The following AUTS2 variants were observed in gnomAD, a reference collection of about 807,000 sequenced individuals.
AUTS2 encodes autism susceptibility gene 2 protein.
A neutral mutation model predicts 112.4 loss-of-function variants in AUTS2; 17 were observed. The observed-to-expected ratio is 0.15, with a 90% CI of 0.10 to 0.23. AUTS2 has a LOEUF of 0.23. AUTS2 is among the 10% of genes least tolerant of loss of function. The pLI is 1.00. For missense variants in AUTS2, 1,510 were observed against 1,701.6 expected (o/e 0.89, Z 1.98); for synonymous variants, 751 against 702.7 (o/e 1.07, Z -1.09).
At chr7:70,214,820 A>G (rs1811090242) in intron 4 of AUTS2, among the ~76,000 whole-genome samples, 1 of 152,226 alleles carries the variant, frequency 6.6e-6, no homozygotes, top group Admixed American at 6.5e-5. Flanking sequence ...GTTTATAGCT[A>G]TGTGATAGTT....
At chr7:70,784,894 G>A (rs559562433) in intron 15 of AUTS2, 48 bp from the exon 16 acceptor site, 21 of 1,582,552 alleles carry the variant, frequency 1.3e-5, no homozygotes, top group Middle Eastern at 1.7e-4. Flanking sequence ...TTGCATCTTC[G>A]AAGTTGGCTT....
intron 4 of AUTS2, among the ~76,000 whole-genome samples, chr7:70,152,016 A>G (rs894434656): frequency 2.0e-5 from 3 of 152,202 alleles, no homozygotes; most frequent in Non-Finnish European, 4.4e-5. Flanking sequence ...TTGAACTTCT[A>G]ATGTAAATAC....
intron 5 of AUTS2, among the ~76,000 whole-genome samples, chr7:70,547,478 C>T (rs1376811299): frequency 3.9e-5 from 6 of 152,188 alleles, no homozygotes; most frequent in African/African-American, 1.2e-4. Context: ...TGGTCTCGAT[C>T]TCTCCACCTC....
chr7:70,748,393 A>G (rs1788600469), intron 6 of AUTS2, among the ~76,000 whole-genome samples: 1 of 152,216 alleles, frequency 6.6e-6, no homozygotes, highest in South Asian at 2.1e-4. Flanking sequence ...CTTCAAATAT[A>G]GGGAACAGCA....
At chr7:70,556,891 T>C (rs529809515) in intron 5 of AUTS2, among the ~76,000 whole-genome samples, 1 of 152,226 alleles carries the variant, frequency 6.6e-6, no homozygotes, top group African/African-American at 2.4e-5. Context: ...TAACTGGGTG[T>C]CATCTTAAAA....
rs76407425 is a variant in AUTS2, at chr7:70,138,628, A to G, written c.660+4057A>G. ...CAACTAATAATTTTCATCTTCCTCA[A>G]TTGGGTCACATCTAGTAATTGACAT... On this transcript the variant is annotated intron_variant, in intron 4 of 18. Transcript: ENST00000342771. Among the ~76,000 whole-genome samples, 923 of 152,258 alleles carry G rather than the reference A, an allele frequency of 6.1e-3. 12 individuals are homozygous for G. Among genetic ancestry groups the G allele is most frequent in the African/African-American group, 0.022 (900 of 41,540 alleles).
chr7:69,599,775 G>A lies in AUTS2; in HGVS notation c.122G>A (p.Gly41Asp). ...GAGAAGGGGA[G>D]RTRALSLASS... ...GGCGCGGCCGGCGGCGGCGGGGCTG[G>A]CCGGACCCGGGCGCTCTCACTCGCC... Residue 41 changes from glycine (G) to aspartate (D), a missense_variant, in exon 1 of 19, where the codon GGC (glycine) becomes GAC (aspartate). Gly to Asp is a moderately conservative substitution (Grantham distance 94, BLOSUM62 -1). Around this residue, in one of 3 missense-constraint regions of AUTS2, gnomAD observed 535 missense variants for 594.3 expected, o/e 0.90. Coordinates refer to ENST00000342771, the MANE Select transcript of AUTS2 (RefSeq NM_015570.4). The surrounding 1 kb of genome is among the most constrained non-coding windows in gnomAD (Gnocchi z 7.0). 2 of 1,510,982 alleles carry A rather than the reference G, an allele frequency of 1.3e-6. No homozygotes were observed. The highest frequency in any genetic ancestry group is 1.8e-6 in the Non-Finnish European group (2 of 1,130,930). The allele number at this position is 1,510,982 out of a possible 1,614,324, so 93.6% of individuals were successfully genotyped here.
At chr7:70,750,239 T>C (rs533035139) in intron 6 of AUTS2, among the ~76,000 whole-genome samples, 4 of 152,224 alleles carry the variant, frequency 2.6e-5, no homozygotes, top group Non-Finnish European at 5.9e-5. Flanking sequence ...ACAGGGATAG[T>C]GCATGGTACA....
intron 4 of AUTS2, among the ~76,000 whole-genome samples, chr7:70,270,675 C>G (rs1429400266): frequency 2.0e-5 from 3 of 152,066 alleles, no homozygotes; most frequent in Admixed American, 6.6e-5. Context: ...AAGACTTGAG[C>G]CAGGGGACAT....
At chr7:69,767,487 C>G (rs1176569253) in intron 1 of AUTS2, among the ~76,000 whole-genome samples, 1 of 152,186 alleles carries the variant, frequency 6.6e-6, no homozygotes, top group African/African-American at 2.4e-5. Context: ...AAAGACATTT[C>G]TAATTAGAAA....
intron 4 of AUTS2, among the ~76,000 whole-genome samples, chr7:70,364,221 C>G (rs1792447220): frequency 6.6e-6 from 1 of 151,912 alleles, no homozygotes; most frequent in African/African-American, 2.4e-5. Context: ...TGCATTTAGT[C>G]TTTCAACTGT....
intron 1 of AUTS2, among the ~76,000 whole-genome samples, chr7:69,806,783 C>A (rs1790327511): frequency 6.6e-6 from 1 of 152,216 alleles, no homozygotes; most frequent in Non-Finnish European, 1.5e-5. Context: ...TTGCCTTTAG[C>A]CATCACACTC....
intron 5 of AUTS2, among the ~76,000 whole-genome samples, chr7:70,655,489 A>G (rs982796472): frequency 6.6e-6 from 1 of 152,206 alleles, no homozygotes; most frequent in African/African-American, 2.4e-5. Flanking sequence ...CAAGAAGGTT[A>G]CTGAAACGCC....
intron 2 of AUTS2, among the ~76,000 whole-genome samples, chr7:69,967,064 A>G (rs1797661114): frequency 6.6e-6 from 1 of 152,156 alleles, no homozygotes; most frequent in Non-Finnish European, 1.5e-5. Context: ...ATGGATTCTT[A>G]TTCACTATTT....
intron 5 of AUTS2, among the ~76,000 whole-genome samples, chr7:70,621,389 A>C (rs1426894197): frequency 6.6e-6 from 1 of 152,222 alleles, no homozygotes; most frequent in Non-Finnish European, 1.5e-5. Context: ...AACATGCAGG[A>C]GATCTCTTGC....
At chr7:69,764,307 C>G (rs928939230) in intron 1 of AUTS2, among the ~76,000 whole-genome samples, 5 of 151,944 alleles carry the variant, frequency 3.3e-5, no homozygotes, top group Non-Finnish European at 7.3e-5. Flanking sequence ...GGGATGAACA[C>G]TGGAGCCCCT....
chr7:70,421,517 T>C (rs760319298), intron 4 of AUTS2, among the ~76,000 whole-genome samples: 5 of 152,174 alleles, frequency 3.3e-5, no homozygotes, highest in Non-Finnish European at 7.4e-5. Context: ...ACAGGGGTGT[T>C]GTGACTGAAG....
chr7:70,059,579 A>C (rs1802148938), intron 2 of AUTS2, among the ~76,000 whole-genome samples: 1 of 152,172 alleles, frequency 6.6e-6, no homozygotes, highest in Non-Finnish European at 1.5e-5. Context: ...GGATCTGGAA[A>C]TTCTGTATGA....
intron 4 of AUTS2, among the ~76,000 whole-genome samples, chr7:70,382,211 C>G (rs1325595644): frequency 2.0e-5 from 3 of 152,204 alleles, no homozygotes; most frequent in Non-Finnish European, 4.4e-5. Flanking sequence ...TGTTGAATCT[C>G]TAGGTCAACC....
Sources: gnomAD v4.1 joint callset for allele counts (sites outside exome capture counted in the v4.1 genomes callset) on GRCh38, gnomAD v4.1.1 for gene constraint, gnomAD v4.1.1 regional missense constraint, Gnocchi (gnomAD v3.1) non-coding constraint, MANE v1.5 for transcripts, NCBI Gene and HGNC (gene_info 2026-07-23, HGNC 2026-07-21) for gene names.